The following KIRREL3 variants were observed in gnomAD, a reference collection of about 807,000 sequenced individuals.
The protein encoded by KIRREL3 is kin of IRRE-like protein 3.
A neutral mutation model predicts 89.7 loss-of-function variants in KIRREL3; 36 were observed. The observed-to-expected ratio is 0.40, with a 90% CI of 0.31 to 0.53. The LOEUF (loss-of-function observed/expected upper bound fraction) is 0.53, where lower values mean the gene tolerates loss of function less well. KIRREL3 is among the 20% of genes least tolerant of loss of function. The probability of loss-of-function intolerance (pLI) is 0.49; values close to 1 mark genes in which losing one functional copy is unlikely to be tolerated. For synonymous variants in KIRREL3, 445 were observed against 441.4 expected (o/e 1.01, Z -0.10); for missense variants, 864 against 1,056.6 (o/e 0.82, Z 2.53).
Position 126,995,383 on chromosome 11 carries a change from CT to C in KIRREL3, c.55+5071del. ...TCTCCACTGATGAATTAGAACACCC[CT>C]CTTCCCAGGCACAGGACGAGTTCAG... On this transcript the variant is annotated intron_variant, in intron 1 of 16. Coordinates refer to ENST00000525144, the MANE Select transcript of KIRREL3 (RefSeq NM_032531.4). This position sits in a 1 kb window ranked among gnomAD's most constrained non-coding sequence, Gnocchi z 6.5. 1 of 455,390 alleles carries C rather than the reference CT, an allele frequency of 2.2e-6. No individual in the cohort carries two copies. Among genetic ancestry groups the C allele is most frequent in the South Asian group, 1.5e-5 (1 of 64,522 alleles). The allele number at this position is 455,390 out of a possible 1,614,324, so 28.2% of individuals were successfully genotyped here.
At chr11:126,444,036 C>A (rs1391113884) in intron 10 of KIRREL3, among the ~76,000 whole-genome samples, 1 of 152,154 alleles carries the variant, frequency 6.6e-6, no homozygotes, top group Non-Finnish European at 1.5e-5. Flanking sequence ...GGTGCCACAA[C>A]CTTCTTGGGT....
At position 126,953,886 on chromosome 11, in the gene KIRREL3, A is replaced by G. The variant is rs1948844495; in HGVS notation, c.55+46569T>C. Among the ~76,000 whole-genome samples the G allele has an allele frequency of 6.6e-6, 1 of 151,988 alleles. No homozygotes were observed. The highest frequency in any genetic ancestry group is 2.1e-4 in the South Asian group (1 of 4,814). ...GTTTTTCTCTGCCTACCACCCGCTTATTTATGTTAATCTGATTTAGATCTT... is the reference window on the plus strand; with the variant it reads ...GTTTTTCTCTGCCTACCACCCGCTTGTTTATGTTAATCTGATTTAGATCTT... On this transcript the variant is annotated intron_variant, in intron 1 of 16. Coordinates refer to ENST00000525144, the MANE Select transcript of KIRREL3 (RefSeq NM_032531.4). This position sits in a 1 kb window ranked among gnomAD's most constrained non-coding sequence, Gnocchi z 5.2.
In KIRREL3 at chr11:126,476,982, A is replaced by T. The variant is rs1250855253; in HGVS notation, c.434-3516T>A. 6.6e-6 allele frequency among the ~76,000 whole-genome samples: 1 copy of T among 152,240 alleles called. No homozygotes were observed. Among genetic ancestry groups the T allele is most frequent in the Non-Finnish European group, 1.5e-5 (1 of 68,038 alleles). ...TTTTCGTGATTAATCCGGAGATAAA[A>T]ATAGTTGACTGTTTTGGTGTTGTGC... On this transcript the variant is annotated intron_variant, in intron 4 of 16. Coordinates refer to ENST00000525144, the MANE Select transcript of KIRREL3 (RefSeq NM_032531.4). The surrounding 1 kb of genome is among the most constrained non-coding windows in gnomAD (Gnocchi z 6.4).
intron 1 of KIRREL3, among the ~76,000 whole-genome samples, chr11:126,916,736 T>A (rs1208635535): frequency 6.6e-6 from 1 of 152,204 alleles, no homozygotes; most frequent in Non-Finnish European, 1.5e-5. Context: ...TCTTTCTAAG[T>A]ATGAATTTAG....
rs1048598955 is a variant in KIRREL3, at chr11:126,897,277, G to C, written c.55+103178C>G. ...CTGGCGGGGAATCTCATGAGGAGGA[G>C]ATCAGTCCTGGAATGTCCAGGACTG... On this transcript the variant is annotated intron_variant, in intron 1 of 16. Transcript: ENST00000525144. This position sits in a 1 kb window ranked among gnomAD's most constrained non-coding sequence, Gnocchi z 4.2. 2.0e-5 allele frequency among the ~76,000 whole-genome samples: 3 copies of C among 152,076 alleles called. No individual in the cohort carries two copies. Among genetic ancestry groups the C allele is most frequent in the African/African-American group, 7.2e-5 (3 of 41,418 alleles).
rs1286343427 is a variant in KIRREL3 at position 126,814,961 on chromosome 11, TA to T, written c.55+185493del. Among the ~76,000 whole-genome samples, 1 of 152,052 alleles carries T rather than the reference TA, an allele frequency of 6.6e-6. No individual in the cohort carries two copies. Among genetic ancestry groups the T allele is most frequent in the African/African-American group, 2.4e-5 (1 of 41,396 alleles). ...AGAGAAAAGAAGAAAGTAAAAGAAATAAAAAGGTGGATTCCTTTAGGTCACC... is the reference window on the plus strand; with the variant it reads ...AGAGAAAAGAAGAAAGTAAAAGAAATAAAAGGTGGATTCCTTTAGGTCACC... On this transcript the variant is annotated intron_variant, in intron 1 of 16. Coordinates refer to ENST00000525144, the MANE Select transcript of KIRREL3 (RefSeq NM_032531.4). The surrounding 1 kb of genome is among the most constrained non-coding windows in gnomAD (Gnocchi z 4.4).
chr11:126,584,352 C>T (rs532381166), intron 1 of KIRREL3, among the ~76,000 whole-genome samples: 9 of 152,314 alleles, frequency 5.9e-5, no homozygotes, highest in South Asian at 2.1e-4. Flanking sequence ...GCCTGGCGAG[C>T]GCCTGTGGAT....
chr11:126,728,732 G>A (rs950595396), intron 1 of KIRREL3, among the ~76,000 whole-genome samples: 1 of 152,174 alleles, frequency 6.6e-6, no homozygotes, highest in Non-Finnish European at 1.5e-5. Context: ...AGCTTTAAGC[G>A]GGAGGATTCA....
intron 1 of KIRREL3, among the ~76,000 whole-genome samples, chr11:126,661,610 G>C (rs1945405837): frequency 6.6e-6 from 1 of 152,222 alleles, no homozygotes; most frequent in Non-Finnish European, 1.5e-5. Context: ...GACATAAACT[G>C]TGAAGATTTC....
chr11:126,925,861 C>T (rs897755893), intron 1 of KIRREL3, among the ~76,000 whole-genome samples: 2 of 152,236 alleles, frequency 1.3e-5, no homozygotes. Flanking sequence ...GGCACTCCTT[C>T]CTCCTCTATC....
chr11:126,472,157 A>G (rs1036042224), intron 5 of KIRREL3, among the ~76,000 whole-genome samples: 17 of 152,224 alleles, frequency 1.1e-4, no homozygotes, highest in Non-Finnish European at 1.9e-4. Flanking sequence ...ATGGCTTGTG[A>G]GTATGTCCAA....
In KIRREL3 at chr11:126,683,345, CAAGT is replaced by C. The variant is rs1946540545; in HGVS notation, c.56-120437_56-120434del. ...AACGTGTGGATAGTCTGATGGTTTGCAAGTAAGTGGGATCGACCGTGGGGTCTCT... is the reference window on the plus strand; with the variant it reads ...AACGTGTGGATAGTCTGATGGTTTGCAAGTGGGATCGACCGTGGGGTCTCT... On this transcript the variant is annotated intron_variant, in intron 1 of 16. Transcript: ENST00000525144. This position sits in a 1 kb window ranked among gnomAD's most constrained non-coding sequence, Gnocchi z 5.2. 6.6e-6 allele frequency among the ~76,000 whole-genome samples: 1 copy of C among 152,084 alleles called. No individual in the cohort carries two copies. The highest frequency in any genetic ancestry group is 2.4e-5 in the African/African-American group (1 of 41,394).
rs913793791 is a variant in KIRREL3, at chr11:126,788,975, T to C, written c.55+211480A>G. 6.6e-6 allele frequency among the ~76,000 whole-genome samples: 1 copy of C among 152,160 alleles called. No individual in the cohort carries two copies. Among genetic ancestry groups the C allele is most frequent in the African/African-American group, 2.4e-5 (1 of 41,430 alleles). On this transcript the variant is annotated intron_variant, in intron 1 of 16. Transcript: ENST00000525144. The surrounding 1 kb of genome is among the most constrained non-coding windows in gnomAD (Gnocchi z 4.1). The stretch of plus-strand genomic sequence containing the variant: ...AGTCAAACAAATCCCTGTCAAGATT[T>C]CTTTGACCCAACGGTGGGCTGGGTT...
intron 4 of KIRREL3, among the ~76,000 whole-genome samples, chr11:126,487,034 G>A (rs969952869): frequency 6.6e-6 from 1 of 152,152 alleles, no homozygotes; most frequent in South Asian, 2.1e-4. Flanking sequence ...CCTGCCTACC[G>A]ATACCCTGGA....
chr11:126,819,175 G>A (rs1951685152), intron 1 of KIRREL3, among the ~76,000 whole-genome samples: 1 of 152,134 alleles, frequency 6.6e-6, no homozygotes, highest in Admixed American at 6.5e-5. Flanking sequence ...AATAATCTGG[G>A]TCCCTAGCAT....
intron 1 of KIRREL3, among the ~76,000 whole-genome samples, chr11:126,834,473 G>C (rs900154789): frequency 6.6e-6 from 1 of 152,156 alleles, no homozygotes; most frequent in Non-Finnish European, 1.5e-5. Flanking sequence ...CTATCAGACT[G>C]GCTCCCGGCA....
chr11:126,863,732 G>A (rs1162111644), intron 1 of KIRREL3, among the ~76,000 whole-genome samples: 4 of 152,122 alleles, frequency 2.6e-5, no homozygotes, highest in African/African-American at 4.8e-5. Flanking sequence ...GGTACAAAGA[G>A]GAATGGAATC....
intron 1 of KIRREL3, among the ~76,000 whole-genome samples, chr11:126,678,599 CAAAAAAAAAAAAAA>C (rs59342253): frequency 4.0e-5 from 2 of 50,046 alleles, no homozygotes; most frequent in Non-Finnish European, 6.8e-5. Flanking sequence ...GACTCTGTCT[CAAAAAAAAAAAAAA>C]AAAAAAAAAA....
chr11:126,752,789 G>A lies in KIRREL3; in HGVS notation c.56-189877C>T, dbSNP rs549043556. Among the ~76,000 whole-genome samples the A allele has an allele frequency of 2.0e-5, 3 of 152,198 alleles. No homozygotes were observed. The highest frequency in any genetic ancestry group is 4.4e-5 in the Non-Finnish European group (3 of 68,034). ...TGGAAAAAAACAATTGGTTTTGCAT[G>A]TTTCCTTGGGAATTTCAGGAGGAAA... is the stretch of plus-strand genomic sequence containing the variant. On this transcript the variant is annotated intron_variant, in intron 1 of 16. Transcript: ENST00000525144. The surrounding 1 kb of genome is among the most constrained non-coding windows in gnomAD (Gnocchi z 4.8).
Sources: allele counts gnomAD v4.1 joint callset (sites outside exome capture counted in the v4.1 genomes callset), GRCh38; gene constraint gnomAD v4.1.1; non-coding constraint Gnocchi (gnomAD v3.1); transcripts MANE v1.5; gene names NCBI Gene and HGNC (gene_info 2026-07-23, HGNC 2026-07-21).